DGKB: variants seen among roughly 807,000 people sequenced by gnomAD.
DGKB encodes diacylglycerol kinase beta, also known as 90 kDa diacylglycerol kinase.
Under a neutral mutation model 114.3 loss-of-function variants are expected in DGKB, and 67 were observed. That is an observed-to-expected ratio of 0.59 (90% CI 0.48 to 0.72). DGKB has a LOEUF of 0.72. Among genes scored for constraint, DGKB ranks in the 30% least tolerant of loss-of-function variants. The pLI is 0.00. For synonymous variants in DGKB, 398 were observed against 323.1 expected, an observed-to-expected ratio of 1.23 and a Z score of -2.49; for missense variants, 907 against 975.2, an observed-to-expected ratio of 0.93 and a Z score of 0.93.
At chr7:14,700,237 G>A (rs1305194301) in intron 7 of DGKB, among the ~76,000 whole-genome samples, 1 of 142,736 alleles carries the variant, frequency 7.0e-6, no homozygotes, top group African/African-American at 2.6e-5. Flanking sequence ...TTTTTGAGAT[G>A]GAGTCTTGCT....
chr7:14,867,708 G>A (rs142996243), intron 1 of DGKB, among the ~76,000 whole-genome samples: 10 of 151,952 alleles, frequency 6.6e-5, no homozygotes, highest in South Asian at 2.1e-4. Flanking sequence ...TTAATATATC[G>A]TAAAACTAAT....
chr7:14,821,965 T>G (rs1268041264), intron 2 of DGKB, among the ~76,000 whole-genome samples: 3 of 152,136 alleles, frequency 2.0e-5, no homozygotes, highest in African/African-American at 7.2e-5. Context: ...TGAGGACAAG[T>G]CATCTTGGAT....
At chr7:14,292,171 A>C (rs1801873495) in intron 23 of DGKB, among the ~76,000 whole-genome samples, 1 of 152,142 alleles carries the variant, frequency 6.6e-6, no homozygotes, top group Non-Finnish European at 1.5e-5. Flanking sequence ...GGAAAATACA[A>C]ATTTTAAGGT....
chr7:14,851,682 G>T (rs549278651), intron 1 of DGKB, among the ~76,000 whole-genome samples: 2 of 152,272 alleles, frequency 1.3e-5, no homozygotes, highest in South Asian at 4.2e-4. Context: ...TGCTCTGCAT[G>T]TACATCATAA....
intron 2 of DGKB, among the ~76,000 whole-genome samples, chr7:14,759,974 C>T (rs1234416944): frequency 6.6e-6 from 1 of 152,134 alleles, no homozygotes; most frequent in Non-Finnish European, 1.5e-5. Flanking sequence ...TGAAATGATT[C>T]GACTCACATC....
At chr7:14,379,506 G>A (rs1156963080) in intron 21 of DGKB, among the ~76,000 whole-genome samples, 3 of 151,458 alleles carry the variant, frequency 2.0e-5, no homozygotes, top group African/African-American at 7.3e-5. Context: ...CTAGTGTCTA[G>A]TAACCCCTTA....
At chr7:14,150,241 C>T (rs578094178) in intron 25 of DGKB, among the ~76,000 whole-genome samples, 2 of 152,224 alleles carry the variant, frequency 1.3e-5, no homozygotes, top group African/African-American at 4.8e-5. Flanking sequence ...TCAGTTGTCA[C>T]CTGCACAGCA....
chr7:14,367,198 T>C (rs1027410492), intron 21 of DGKB, among the ~76,000 whole-genome samples: 1 of 152,064 alleles, frequency 6.6e-6, no homozygotes, highest in African/African-American at 2.4e-5. Flanking sequence ...AACTGTAGGC[T>C]AATGTAAGTG....
At chr7:14,567,579 C>A (rs1797766384) in intron 20 of DGKB, among the ~76,000 whole-genome samples, 4 of 82,592 alleles carry the variant, frequency 4.8e-5, no homozygotes, top group Admixed American at 1.9e-4. Flanking sequence ...ATATAATTAT[C>A]CAATTATAAA....
chr7:14,806,389 A>G (rs1325985540), intron 2 of DGKB, among the ~76,000 whole-genome samples: 1 of 152,102 alleles, frequency 6.6e-6, no homozygotes, highest in Admixed American at 6.6e-5. Context: ...TGGGTCTTGT[A>G]TACGTATAAA....
intron 1 of DGKB, among the ~76,000 whole-genome samples, chr7:14,843,793 G>C (rs1426334912): frequency 6.6e-6 from 1 of 152,208 alleles, no homozygotes; most frequent in Non-Finnish European, 1.5e-5. Flanking sequence ...AATGAAGCTA[G>C]AGCAAAGATC....
At chr7:14,281,453 G>C (rs1470938887) in intron 23 of DGKB, among the ~76,000 whole-genome samples, 2 of 144,082 alleles carry the variant, frequency 1.4e-5, no homozygotes, top group Non-Finnish European at 3.0e-5. Flanking sequence ...ACAGATCAAT[G>C]AGACAGAAAG....
At chr7:14,934,054 A>G (rs17372155) in intron 1 of DGKB, among the ~76,000 whole-genome samples, 21,721 of 152,000 alleles carry the variant, frequency 0.14, 1,638 homozygotes, top group Admixed American at 0.2. Context: ...GGGCCTGAAT[A>G]CCCTTTTGTT....
chr7:14,909,634 A>C (rs769841936), intron 1 of DGKB, among the ~76,000 whole-genome samples: 2 of 152,216 alleles, frequency 1.3e-5, no homozygotes, highest in Non-Finnish European at 2.9e-5. Flanking sequence ...AGATTGCAAA[A>C]TAAGAATACA....
At chr7:14,748,489 G>C (rs1006140598) in intron 4 of DGKB, among the ~76,000 whole-genome samples, 1 of 152,226 alleles carries the variant, frequency 6.6e-6, no homozygotes, top group Admixed American at 6.5e-5. Context: ...ATGGCCCTGA[G>C]GTATAATGAT....
chr7:14,703,446 T>C (rs1825575291), intron 6 of DGKB, among the ~76,000 whole-genome samples: 1 of 152,192 alleles, frequency 6.6e-6, no homozygotes, highest in African/African-American at 2.4e-5. Flanking sequence ...TCTTCCTATT[T>C]TCTGAAAATC....
chr7:14,386,727 A>T (rs771523613), intron 21 of DGKB, among the ~76,000 whole-genome samples: 1 of 152,224 alleles, frequency 6.6e-6, no homozygotes, highest in East Asian at 1.9e-4. Context: ...TAAGTTTATC[A>T]GCATATTCAG....
chr7:14,910,306 GAAAGAAA>G, intron 1 of DGKB, among the ~76,000 whole-genome samples: 1 of 116,328 alleles, frequency 8.6e-6, no homozygotes, highest in East Asian at 2.4e-4. Flanking sequence ...AAGAAAGAAA[GAAAGAAA>G]GAACCTTATA....
At chr7:14,315,860 C>T (rs1489175134) in intron 23 of DGKB, among the ~76,000 whole-genome samples, 1 of 150,010 alleles carries the variant, frequency 6.7e-6, no homozygotes, top group Non-Finnish European at 1.5e-5. Flanking sequence ...ACACCTATTC[C>T]AAAATTGACC....
Sources: gnomAD v4.1 joint callset for allele counts (sites outside exome capture counted in the v4.1 genomes callset) on GRCh38, gnomAD v4.1.1 for gene constraint, MANE v1.5 for transcripts, NCBI Gene and HGNC (gene_info 2026-07-23, HGNC 2026-07-21) for gene names.